Variants in BMP7 observed in about 807,000 individuals in gnomAD.
The protein encoded by BMP7 is bone morphogenetic protein 7.
A neutral mutation model predicts 41.2 loss-of-function variants in BMP7; 12 were observed. That is an observed-to-expected ratio of 0.29 (90% CI 0.19 to 0.47). The LOEUF is 0.47. Ranked by LOEUF, BMP7 falls within the 20% of genes least tolerant of loss-of-function variation. BMP7 has a pLI of 0.99. For synonymous variants in BMP7, 248 were observed against 250.0 expected (o/e 0.99, Z 0.07); for missense variants, 467 against 606.0 (o/e 0.77, Z 2.41).
intron 2 of BMP7, among the ~76,000 whole-genome samples, chr20:57,206,103 A>G (rs1462966493): frequency 1.3e-5 from 2 of 152,216 alleles, no homozygotes; most frequent in Non-Finnish European, 2.9e-5. Context: ...CACCTTGAGC[A>G]TCGTAAAAGA....
chr20:57,250,750 C>A (rs753688460), intron 1 of BMP7, among the ~76,000 whole-genome samples: 1 of 152,180 alleles, frequency 6.6e-6, no homozygotes, highest in Admixed American at 6.5e-5. Flanking sequence ...CCTGTGCCCC[C>A]AGCCGGCAAG....
intron 2 of BMP7, among the ~76,000 whole-genome samples, chr20:57,218,168 C>T (rs778007750): frequency 6.6e-6 from 1 of 152,238 alleles, no homozygotes; most frequent in Non-Finnish European, 1.5e-5. Context: ...ATCCTTTATA[C>T]ATTTTTGACA....
chr20:57,225,647 G>T (rs1224228530), intron 2 of BMP7, among the ~76,000 whole-genome samples: 4 of 152,114 alleles, frequency 2.6e-5, no homozygotes, highest in African/African-American at 9.7e-5. Context: ...CATCATAGGG[G>T]CATCTTGGTT....
At chr20:57,230,310 C>T (rs944116300) in intron 1 of BMP7, among the ~76,000 whole-genome samples, 2 of 152,048 alleles carry the variant, frequency 1.3e-5, no homozygotes, top group African/African-American at 2.4e-5. Context: ...TAGGAGTCTC[C>T]GTAAAGGGCA....
chr20:57,264,870 A>G (rs1479808393), intron 1 of BMP7, among the ~76,000 whole-genome samples: 1 of 151,908 alleles, frequency 6.6e-6, no homozygotes, highest in Non-Finnish European at 1.5e-5. Flanking sequence ...TGTCTCTACT[A>G]AAAATACAAA....
At chr20:57,192,390 T>C (rs892671939) in intron 3 of BMP7, among the ~76,000 whole-genome samples, 1 of 149,122 alleles carries the variant, frequency 6.7e-6, no homozygotes, top group Non-Finnish European at 1.5e-5. Flanking sequence ...GGTGCTCGTG[T>C]ACAGATGTAA....
At chr20:57,236,883 C>T (rs1012183488) in intron 1 of BMP7, among the ~76,000 whole-genome samples, 1 of 152,140 alleles carries the variant, frequency 6.6e-6, no homozygotes, top group South Asian at 2.1e-4. Flanking sequence ...CTCCTGAAGA[C>T]GTTCTCCCAG....
At chr20:57,219,683 C>T (rs577360252) in intron 2 of BMP7, among the ~76,000 whole-genome samples, 3 of 152,290 alleles carry the variant, frequency 2.0e-5, no homozygotes, top group Non-Finnish European at 2.9e-5. Context: ...GCTCTCTTGA[C>T]GGGACTAGGA....
At chr20:57,181,359 G>A (rs917224613) in intron 4 of BMP7, among the ~76,000 whole-genome samples, 1 of 151,972 alleles carries the variant, frequency 6.6e-6, no homozygotes, top group South Asian at 2.1e-4. Flanking sequence ...AGCCAGGTGT[G>A]GTGGCATCCA....
At chr20:57,190,356 AG>A (rs1984323908) in intron 3 of BMP7, among the ~76,000 whole-genome samples, 2 of 136,186 alleles carry the variant, frequency 1.5e-5, no homozygotes, top group African/African-American at 5.8e-5. Context: ...GCGAGGAACC[AG>A]AGGGGGTGAG....
chr20:57,171,064 C>T lies in BMP7; in HGVS notation c.1191G>A (p.Ala397=), dbSNP rs200826465. 71 of 1,614,186 alleles carry T rather than the reference C, an allele frequency of 4.4e-5. No homozygotes were observed. Among genetic ancestry groups the T allele is most frequent in the East Asian group, 3.8e-4 (17 of 44,886 alleles). ...CGGAGATGGCATTGAGCTGCGTGGG[C>T]GCACAGCAGGGCTTGGGCACCGTTT... The part of the protein sequence containing the change: ...NPETVPKPCC[A]PTQLNAISVL... The change falls in exon 7 of 7, where the codon GCG becomes GCA. Residue 397 remains alanine (A), a synonymous_variant. Coordinates refer to ENST00000395863, the MANE Select transcript of BMP7 (RefSeq NM_001719.3). This position sits in a 1 kb window ranked among gnomAD's most constrained non-coding sequence, Gnocchi z 4.5.
At chr20:57,216,134 C>T (rs1442900825) in intron 2 of BMP7, among the ~76,000 whole-genome samples, 7 of 152,000 alleles carry the variant, frequency 4.6e-5, no homozygotes, top group Admixed American at 6.6e-5. Flanking sequence ...ATCCTGAAGC[C>T]GGGGGGGTCC....
chr20:57,253,250 C>T (rs1279489856), intron 1 of BMP7, among the ~76,000 whole-genome samples: 1 of 152,168 alleles, frequency 6.6e-6, no homozygotes, highest in Non-Finnish European at 1.5e-5. Flanking sequence ...GGTTCTGAGG[C>T]CCTGCTGCCA....
chr20:57,185,513 A>G (rs1452266073), intron 3 of BMP7, among the ~76,000 whole-genome samples: 5 of 152,354 alleles, frequency 3.3e-5, no homozygotes, highest in African/African-American at 7.2e-5. Flanking sequence ...AGGGAAACTG[A>G]GGCAATGGAG....
At chr20:57,217,426 C>A (rs1317032544) in intron 2 of BMP7, among the ~76,000 whole-genome samples, 7 of 152,222 alleles carry the variant, frequency 4.6e-5, no homozygotes, top group African/African-American at 1.7e-4. Context: ...GTGCTCTGTG[C>A]CAGGCACTGA....
At chr20:57,258,096 G>T (rs2146031493) in intron 1 of BMP7, among the ~76,000 whole-genome samples, 1 of 152,318 alleles carries the variant, frequency 6.6e-6, no homozygotes, top group African/African-American at 2.4e-5. Flanking sequence ...GGCAACAAAA[G>T]ATTGAAACTT....
chr20:57,173,565 C>T (rs868219848), intron 5 of BMP7: 44 of 580,888 alleles, frequency 7.6e-5, no homozygotes, highest in Middle Eastern at 4.6e-4. Flanking sequence ...AGTGGGAAGA[C>T]GGCTCAAAGC....
intron 1 of BMP7, among the ~76,000 whole-genome samples, chr20:57,246,242 C>T (rs2066090395): frequency 6.6e-6 from 1 of 152,206 alleles, no homozygotes; most frequent in Non-Finnish European, 1.5e-5. Context: ...TACCCATTGC[C>T]AGGTCTACTC....
chr20:57,219,700 T>C (rs1212844794), intron 2 of BMP7, among the ~76,000 whole-genome samples: 1 of 152,118 alleles, frequency 6.6e-6, no homozygotes, highest in Non-Finnish European at 1.5e-5. Flanking sequence ...AGGATGAGGG[T>C]GCAACTTTGT....
Sources: gnomAD v4.1 joint callset for allele counts (sites outside exome capture counted in the v4.1 genomes callset) on GRCh38, gnomAD v4.1.1 for gene constraint, Gnocchi (gnomAD v3.1) non-coding constraint, MANE v1.5 for transcripts, NCBI Gene and HGNC (gene_info 2026-07-23, HGNC 2026-07-21) for gene names.